The following HSD17B12 variants were observed in gnomAD, a reference collection of about 807,000 sequenced individuals.
HSD17B12 encodes very-long-chain 3-oxoacyl-CoA reductase.
In HSD17B12, 32 loss-of-function variants were observed where a neutral mutation model predicts 39.3. The observed-to-expected ratio is 0.81, with a 90% confidence interval of 0.61 to 1.09. HSD17B12 has a LOEUF of 1.09. Ranked by LOEUF, HSD17B12 falls within the 50% of genes least tolerant of loss-of-function variation. HSD17B12 has a pLI of 0.00. For missense variants in HSD17B12, 342 were observed against 382.9 expected, an observed-to-expected ratio of 0.89 and a Z score of 0.89; for synonymous variants, 150 against 146.7, an observed-to-expected ratio of 1.02 and a Z score of -0.16.
chr11:43,834,478 C>T (rs1458135462), intron 7 of HSD17B12, among the ~76,000 whole-genome samples: 1 of 152,006 alleles, frequency 6.6e-6, no homozygotes, highest in Non-Finnish European at 1.5e-5. Context: ...CAGCAGGTCT[C>T]TCTTCCCACC....
chr11:43,780,918 G>T (rs1950759183), intron 3 of HSD17B12, among the ~76,000 whole-genome samples: 1 of 152,054 alleles, frequency 6.6e-6, no homozygotes, highest in African/African-American at 2.4e-5. Flanking sequence ...TAACAGATAT[G>T]TATATTTTAT....
the HSD17B12 span, among the ~76,000 whole-genome samples, chr11:43,655,222 A>C: frequency 6.6e-6 from 1 of 152,186 alleles, no homozygotes; most frequent in African/African-American, 2.4e-5. Context: ...TTATTGGTGT[A>C]TAAGAATGCT....
At chr11:43,699,679 A>G (rs1348163913) in intron 1 of HSD17B12, among the ~76,000 whole-genome samples, 1 of 152,192 alleles carries the variant, frequency 6.6e-6, no homozygotes, top group African/African-American at 2.4e-5. Flanking sequence ...TTCTCCCAAA[A>G]TCAGATGTTG....
intron 1 of HSD17B12, among the ~76,000 whole-genome samples, chr11:43,746,068 A>C (rs1459329516): frequency 6.6e-6 from 1 of 152,164 alleles, no homozygotes; most frequent in African/African-American, 2.4e-5. Flanking sequence ...GCTTACTGTG[A>C]ATGGAACCTG....
At position 43,798,353 on chromosome 11, in the gene HSD17B12, C is replaced by G. The variant is rs748000457; in HGVS notation, c.317C>G (p.Ala106Gly). The G allele has an allele frequency of 6.2e-7, 1 of 1,611,686 alleles. No individual in the cohort carries two copies. The highest frequency in any genetic ancestry group is 1.3e-5 in the African/African-American group (1 of 74,836). ...TTCAAAGTGGAGACAAGAACCATTG[C>G]TGTTGACTTTGCATCAGAAGATATT... ...EKFKVETRTI[A>G]VDFASEDIYD... The change falls in exon 4 of 11, where the codon GCT becomes GGT. Residue 106 changes from alanine to glycine, a missense_variant. Transcript: ENST00000278353.
In HSD17B12 at chr11:43,826,086, T is replaced by C. The variant is rs11037659; in HGVS notation, c.502-4890T>C. Among the ~76,000 whole-genome samples, 95 of 21,196 alleles carry C rather than the reference T, an allele frequency of 4.5e-3. 1 individual carries two copies. Among genetic ancestry groups the C allele is most frequent in the African/African-American group, 5.3e-3 (43 of 8,112 alleles). 13.9% of individuals were successfully genotyped at this position (21,196 alleles called of 152,430 possible). A position where few individuals can be genotyped will look rare whatever the true frequency, so the allele number is the denominator to read the frequency against. On this transcript the variant is annotated intron_variant, in intron 6 of 10. Coordinates refer to ENST00000278353, the MANE Select transcript of HSD17B12 (RefSeq NM_016142.3). Reference sequence around the variant, plus strand: ...TATATGCAGTCTTTTTTTTTCTTTTTTTTTTTTTTTTTTTGAGACGGAGTC... The same window carrying C: ...TATATGCAGTCTTTTTTTTTCTTTTCTTTTTTTTTTTTTTGAGACGGAGTC...
chr11:43,678,195 A>AT (rs138802282), upstream of HSD17B12, among the ~76,000 whole-genome samples: 106,843 of 151,998 alleles, frequency 0.7, 38,191 homozygotes, highest in East Asian at 0.94. Context: ...GATGATGAGC[A>AT]TTTTTTCATG....
chr11:43,606,288 C>T, the HSD17B12 span, among the ~76,000 whole-genome samples: 1 of 152,218 alleles, frequency 6.6e-6, no homozygotes, highest in Admixed American at 6.5e-5. Context: ...GGCAATTCAC[C>T]TGCACCCTAG....
chr11:43,788,356 C>T (rs1364275820), intron 3 of HSD17B12, among the ~76,000 whole-genome samples: 1 of 152,154 alleles, frequency 6.6e-6, no homozygotes. Context: ...AACATTGCCT[C>T]ATATGCAGAA....
At chr11:43,621,821 T>C in the HSD17B12 span, among the ~76,000 whole-genome samples, 2 of 152,238 alleles carry the variant, frequency 1.3e-5, no homozygotes, top group Admixed American at 6.5e-5. Flanking sequence ...TTTCCCAAAT[T>C]ACAAGTCTGT....
chr11:43,652,287 A>G, the HSD17B12 span, among the ~76,000 whole-genome samples: 2 of 152,228 alleles, frequency 1.3e-5, no homozygotes, highest in Non-Finnish European at 2.9e-5. Context: ...TTATAAATTT[A>G]TGCTATGTAA....
intron 6 of HSD17B12, among the ~76,000 whole-genome samples, chr11:43,817,657 G>C (rs1951143260): frequency 6.6e-6 from 1 of 151,622 alleles, no homozygotes; most frequent in African/African-American, 2.4e-5. Flanking sequence ...AGTGGGCTGT[G>C]TTTGGCTTTA....
chr11:43,763,405 G>A (rs1252896813), intron 3 of HSD17B12, among the ~76,000 whole-genome samples: 2 of 151,916 alleles, frequency 1.3e-5, no homozygotes, highest in Non-Finnish European at 2.9e-5. Flanking sequence ...GGAAGTGAGA[G>A]TATTCTAAGG....
chr11:43,699,517 T>C (rs1266119209), intron 1 of HSD17B12, among the ~76,000 whole-genome samples: 1 of 152,178 alleles, frequency 6.6e-6, no homozygotes, highest in African/African-American at 2.4e-5. Flanking sequence ...TACTAAGGAG[T>C]ATATATCCAA....
chr11:43,559,279 A>G, the HSD17B12 span, among the ~76,000 whole-genome samples: 1 of 152,210 alleles, frequency 6.6e-6, no homozygotes, highest in East Asian at 1.9e-4. Context: ...AATTATAGCC[A>G]TCTGCTCTCC....
chr11:43,615,869 A>C, the HSD17B12 span, among the ~76,000 whole-genome samples: 1 of 152,214 alleles, frequency 6.6e-6, no homozygotes, highest in African/African-American at 2.4e-5. Context: ...ATTTCTGAAA[A>C]GGGGTGTGAA....
chr11:43,854,440 C>CT, intron 9 of HSD17B12: 1 of 349,976 alleles, frequency 2.9e-6, no homozygotes, highest in East Asian at 5.1e-5. Context: ...TAATGCTTTC[C>CT]TTTTTAAAGG....
At chr11:43,761,733 T>C (rs1261584334) in intron 3 of HSD17B12, among the ~76,000 whole-genome samples, 1 of 152,214 alleles carries the variant, frequency 6.6e-6, no homozygotes, top group East Asian at 1.9e-4. Context: ...GTAGCCTCTC[T>C]AGCATAGCCA....
At chr11:43,667,399 G>A in the HSD17B12 span, among the ~76,000 whole-genome samples, 1 of 152,066 alleles carries the variant, frequency 6.6e-6, no homozygotes, top group South Asian at 2.1e-4. Flanking sequence ...TGATCCGCCC[G>A]CCTCAGCCTC....
Sources: allele counts gnomAD v4.1 joint callset (sites outside exome capture counted in the v4.1 genomes callset), GRCh38; gene constraint gnomAD v4.1.1; transcripts MANE v1.5; gene names NCBI Gene and HGNC (gene_info 2026-07-23, HGNC 2026-07-21).